The following GFRA1 variants were observed in gnomAD, a reference collection of about 807,000 sequenced individuals.
The protein encoded by GFRA1 is GDNF family receptor alpha-1.
GFRA1 carries 16 observed loss-of-function variants against 51.6 expected under a neutral mutation model. The ratio of observed to expected loss-of-function variants is 0.31; its 90% confidence interval spans 0.21 to 0.47. The LOEUF (loss-of-function observed/expected upper bound fraction) is 0.47, where lower values mean the gene tolerates loss of function less well. Among genes scored for constraint, GFRA1 ranks in the 20% least tolerant of loss-of-function variants. The probability of loss-of-function intolerance (pLI) is 1.00; values close to 1 mark genes in which losing one functional copy is unlikely to be tolerated. For synonymous variants in GFRA1, 270 were observed against 241.3 expected (o/e 1.12, Z -1.10); for missense variants, 530 against 594.3 (o/e 0.89, Z 1.13).
intron 4 of GFRA1, among the ~76,000 whole-genome samples, chr10:116,252,985 T>G (rs1039496545): frequency 3.3e-5 from 5 of 152,196 alleles, no homozygotes; most frequent in Non-Finnish European, 7.3e-5. Context: ...AACATCTCCC[T>G]AAGGTTCTAA....
intron 5 of GFRA1, among the ~76,000 whole-genome samples, chr10:116,188,027 C>A (rs1374262996): frequency 2.0e-5 from 3 of 152,156 alleles, no homozygotes; most frequent in African/African-American, 7.2e-5. Flanking sequence ...ATCTTATAAT[C>A]TGGTTGCCCA....
chr10:116,090,971 C>T (rs1052110669), intron 8 of GFRA1, among the ~76,000 whole-genome samples: 1 of 152,162 alleles, frequency 6.6e-6, no homozygotes, highest in African/African-American at 2.4e-5. Flanking sequence ...GAAACAGCTT[C>T]AAATTAATAT....
chr10:116,224,604 T>C lies in GFRA1; in HGVS notation c.419-12959A>G, dbSNP rs1966150782. Among the ~76,000 whole-genome samples the C allele has an allele frequency of 2.6e-5, 4 of 152,292 alleles. No individual in the cohort carries two copies. The South Asian group carries it at 6.2e-4, about 24-fold the overall frequency. On this transcript the variant is annotated intron_variant, in intron 4 of 10. Transcript: ENST00000355422. ...AGAAGCCAGACACAAAGACCACGTA[T>C]TGTGTGGTTCTATTTATATGAAATA...
chr10:116,191,354 C>T (rs1485998116), intron 5 of GFRA1, among the ~76,000 whole-genome samples: 3 of 152,172 alleles, frequency 2.0e-5, no homozygotes, highest in Non-Finnish European at 4.4e-5. Context: ...ACATTTTCAC[C>T]ATATGTTGCC....
At chr10:116,248,457 G>A (rs1968052340) in intron 4 of GFRA1, among the ~76,000 whole-genome samples, 1 of 152,138 alleles carries the variant, frequency 6.6e-6, no homozygotes, top group Non-Finnish European at 1.5e-5. Context: ...TCTCCAACAG[G>A]CCCCACAACG....
chr10:116,226,303 T>C (rs1331710782), intron 4 of GFRA1, among the ~76,000 whole-genome samples: 1 of 152,136 alleles, frequency 6.6e-6, no homozygotes, highest in Non-Finnish European at 1.5e-5. Flanking sequence ...AAAGCACAAA[T>C]GTTTCCCAAA....
chr10:116,189,518 T>C (rs924609801), intron 5 of GFRA1, among the ~76,000 whole-genome samples: 3 of 152,206 alleles, frequency 2.0e-5, no homozygotes, highest in Non-Finnish European at 4.4e-5. Flanking sequence ...TTTCACACTT[T>C]CGTGCAACAT....
intron 4 of GFRA1, among the ~76,000 whole-genome samples, chr10:116,225,777 T>C (rs957576144): frequency 1.3e-5 from 2 of 151,768 alleles, no homozygotes; most frequent in Non-Finnish European, 2.9e-5. Context: ...TTAGTAGATA[T>C]GGGGTTTCAC....
chr10:116,210,516 A>G (rs1233698806), intron 5 of GFRA1, among the ~76,000 whole-genome samples: 1 of 152,220 alleles, frequency 6.6e-6, no homozygotes, highest in East Asian at 1.9e-4. Flanking sequence ...CTTAGTCTCT[A>G]GCCAAATGGA....
intron 9 of GFRA1, among the ~76,000 whole-genome samples, chr10:116,088,284 T>G (rs981458862): frequency 1.8e-4 from 8 of 44,782 alleles, no homozygotes; most frequent in Non-Finnish European, 3.2e-4. Flanking sequence ...CTAGTGAGGC[T>G]GACCCTTGAT....
chr10:116,269,229 T>G (rs1969902241), intron 4 of GFRA1, among the ~76,000 whole-genome samples: 1 of 145,810 alleles, frequency 6.9e-6, no homozygotes, highest in Admixed American at 6.9e-5. Flanking sequence ...GCCAATCATA[T>G]TTTAATGTGG....
intron 9 of GFRA1, among the ~76,000 whole-genome samples, chr10:116,077,690 A>G (rs773779744): frequency 6.6e-6 from 1 of 152,250 alleles, no homozygotes; most frequent in African/African-American, 2.4e-5. Context: ...GTTTGCTACA[A>G]TGCAAACATG....
chr10:116,211,307 C>T (rs1417326240), intron 5 of GFRA1, among the ~76,000 whole-genome samples: 3 of 152,180 alleles, frequency 2.0e-5, no homozygotes, highest in African/African-American at 4.8e-5. Context: ...AGACTCCCCT[C>T]CAGAGTATCA....
chr10:116,167,149 T>C (rs1960542235), intron 5 of GFRA1, among the ~76,000 whole-genome samples: 1 of 152,140 alleles, frequency 6.6e-6, no homozygotes, highest in Non-Finnish European at 1.5e-5. Context: ...CAAGCCATAT[T>C]TTCTTTAACC....
At chr10:116,155,851 T>C (rs553486064) in intron 5 of GFRA1, among the ~76,000 whole-genome samples, 1 of 152,058 alleles carries the variant, frequency 6.6e-6, no homozygotes, top group Non-Finnish European at 1.5e-5. Flanking sequence ...AAATAGATGG[T>C]TGTAAAACCA....
intron 4 of GFRA1, among the ~76,000 whole-genome samples, chr10:116,215,898 C>T (rs1384476922): frequency 6.6e-6 from 1 of 152,152 alleles, no homozygotes; most frequent in Non-Finnish European, 1.5e-5. Context: ...CCCACCAGCC[C>T]CTGGAGCCAT....
chr10:116,107,755 A>G (rs180944168), intron 6 of GFRA1, among the ~76,000 whole-genome samples: 1 of 152,278 alleles, frequency 6.6e-6, no homozygotes, highest in East Asian at 1.9e-4. Flanking sequence ...GTTTATAGTC[A>G]GAGGAACTGA....
intron 5 of GFRA1, among the ~76,000 whole-genome samples, chr10:116,202,509 C>CTA (rs909781390): frequency 6.6e-6 from 1 of 152,066 alleles, no homozygotes; most frequent in Non-Finnish European, 1.5e-5. Flanking sequence ...TCTCACCCTG[C>CTA]TATAAAGAAC....
intron 5 of GFRA1, among the ~76,000 whole-genome samples, chr10:116,140,100 A>C (rs1958500239): frequency 6.6e-6 from 1 of 152,182 alleles, no homozygotes; most frequent in Admixed American, 6.5e-5. Context: ...GACCCAAGAG[A>C]ACCTAGAGAG....
Sources: allele counts gnomAD v4.1 joint callset (sites outside exome capture counted in the v4.1 genomes callset), GRCh38; gene constraint gnomAD v4.1.1; transcripts MANE v1.5; gene names NCBI Gene and HGNC (gene_info 2026-07-23, HGNC 2026-07-21).